PAPPA2: variants seen among roughly 807,000 people sequenced by gnomAD.
The protein encoded by PAPPA2 is pappalysin 2, also known as pappalysin-2.
Under a neutral mutation model 176.4 loss-of-function variants are expected in PAPPA2, and 86 were observed. That is an observed-to-expected ratio of 0.49 (90% CI 0.41 to 0.58). The LOEUF (loss-of-function observed/expected upper bound fraction) is 0.58. Among genes scored for constraint, PAPPA2 ranks in the 20% least tolerant of loss-of-function variants. PAPPA2 has a pLI of 0.00. For missense variants in PAPPA2, 2,073 were observed against 2,256.9 expected, an observed-to-expected ratio of 0.92 and a Z score of 1.65; for synonymous variants, 809 against 852.2, an observed-to-expected ratio of 0.95 and a Z score of 0.88.
chr1:176,744,290 A>T (rs550427961), intron 14 of PAPPA2, among the ~76,000 whole-genome samples: 1 of 151,968 alleles, frequency 6.6e-6, no homozygotes, highest in Non-Finnish European at 1.5e-5. Flanking sequence ...TATTTGTTTG[A>T]TAAATATTTG....
chr1:176,776,289 G>A (rs912147912), intron 17 of PAPPA2, among the ~76,000 whole-genome samples: 6 of 152,064 alleles, frequency 3.9e-5, no homozygotes, highest in African/African-American at 9.7e-5. Flanking sequence ...ACTTCTAAAC[G>A]ATTCAAACCT....
At chr1:176,708,375 C>A (rs1273426921) in intron 10 of PAPPA2, among the ~76,000 whole-genome samples, 1 of 151,938 alleles carries the variant, frequency 6.6e-6, no homozygotes, top group African/African-American at 2.4e-5. Flanking sequence ...TTTGAAGGAA[C>A]CCCATTGTAA....
intron 6 of PAPPA2, among the ~76,000 whole-genome samples, chr1:176,694,257 G>T (rs930641468): frequency 4.6e-5 from 7 of 152,228 alleles, no homozygotes; most frequent in South Asian, 2.1e-4. Context: ...AGTGCTGATT[G>T]GAGTCAGAGG....
At chr1:176,484,894 T>C (rs1652577279) in intron 1 of PAPPA2, among the ~76,000 whole-genome samples, 1 of 152,254 alleles carries the variant, frequency 6.6e-6, no homozygotes, top group Non-Finnish European at 1.5e-5. Context: ...TTTTGAGTTT[T>C]CACTTCTTTC....
intron 22 of PAPPA2, 99 bp from the exon 23 acceptor site, chr1:176,842,281 A>G (rs1456143495): frequency 1.0e-5 from 11 of 1,080,026 alleles, no homozygotes; most frequent in Middle Eastern, 2.0e-4. Flanking sequence ...ACATAATTCT[A>G]CAGTTCCTCT....
chr1:176,510,932 G>C (rs938784655), intron 1 of PAPPA2, among the ~76,000 whole-genome samples: 31 of 149,142 alleles, frequency 2.1e-4, no homozygotes, highest in African/African-American at 6.9e-4. Flanking sequence ...TTAATCCAAA[G>C]AAGGCAGAAA....
At chr1:176,638,429 T>G (rs1012865440) in intron 3 of PAPPA2, among the ~76,000 whole-genome samples, 4 of 151,958 alleles carry the variant, frequency 2.6e-5, no homozygotes, top group African/African-American at 9.7e-5. Context: ...TGAGCTCCGG[T>G]AGAAGGCTCT....
chr1:176,595,098 C>G lies in PAPPA2; in HGVS notation c.1494C>G (p.Leu498=). Residue 498 remains leucine, a synonymous_variant, in exon 3 of 23, where the codon CTC becomes CTG. Coordinates refer to ENST00000367662, the MANE Select transcript of PAPPA2 (RefSeq NM_020318.3). ...TTCTGTCGCCTTTGCAGCCCCCACT[C>G]TGTGGGCAAACAGTCTGTGACAATG... ...PEILSPLQPP[L]CGQTVCDNVE... 6.2e-7 allele frequency: 1 copy of G among 1,614,178 alleles called. No homozygotes were observed. The highest frequency in any genetic ancestry group is 1.6e-4 in the Middle Eastern group (1 of 6,062).
At chr1:176,514,453 G>T (rs903427566) in intron 1 of PAPPA2, among the ~76,000 whole-genome samples, 4 of 152,136 alleles carry the variant, frequency 2.6e-5, no homozygotes, top group Admixed American at 2.6e-4. Context: ...ACGTGGATTT[G>T]GAAGGGACAC....
intron 3 of PAPPA2, among the ~76,000 whole-genome samples, chr1:176,645,507 T>C (rs1359064685): frequency 6.6e-6 from 1 of 151,822 alleles, no homozygotes; most frequent in African/African-American, 2.4e-5. Flanking sequence ...GAGCACTTAG[T>C]TTGATTCCAT....
chr1:176,635,412 A>G (rs534955972), intron 3 of PAPPA2, among the ~76,000 whole-genome samples: 14 of 152,182 alleles, frequency 9.2e-5, no homozygotes, highest in Non-Finnish European at 1.6e-4. Flanking sequence ...ATTGCCCTAT[A>G]TCTACCCTCA....
In PAPPA2 at chr1:176,556,191, T is replaced by C. The variant is rs1192665743; in HGVS notation, c.-132T>C. On this transcript the variant is annotated 5_prime_UTR_variant, in exon 2 of 23. Transcript: ENST00000367662. ...CATTCTTGGGGCTATTTGAAAAAGT[T>C]TGGTCTGTGAACAAAACAGTTTCCC... 23 of 1,096,172 alleles carry C rather than the reference T, an allele frequency of 2.1e-5. No homozygotes were observed. The highest frequency in any genetic ancestry group is 2.7e-5 in the Non-Finnish European group (21 of 765,812). The allele number at this position is 1,096,172 out of a possible 1,614,324, so 67.9% of individuals were successfully genotyped here.
At chr1:176,736,648 A>G (rs999487544) in intron 12 of PAPPA2, among the ~76,000 whole-genome samples, 2 of 149,820 alleles carry the variant, frequency 1.3e-5, no homozygotes, top group Admixed American at 1.3e-4. Context: ...AAATAAATAT[A>G]TTTAAATAAT....
At chr1:176,485,400 C>G (rs994856931) in intron 1 of PAPPA2, among the ~76,000 whole-genome samples, 2 of 152,178 alleles carry the variant, frequency 1.3e-5, no homozygotes, top group Non-Finnish European at 2.9e-5. Context: ...AGCCATATAA[C>G]TTTTCAGATC....
chr1:176,493,067 T>C (rs2102496050), intron 1 of PAPPA2, among the ~76,000 whole-genome samples: 1 of 152,314 alleles, frequency 6.6e-6, no homozygotes. Context: ...TGCTAACCAA[T>C]TATGACTTTC....
chr1:176,590,898 C>G lies in PAPPA2; in HGVS notation c.920-3626C>G, dbSNP rs555708861. The stretch of plus-strand genomic sequence containing the variant: ...GCACTCTCTGCACCCAGTCTGACAC[C>G]TAATCTCTCAGAACCTCAGTGTCTG... On this transcript the variant is annotated intron_variant, in intron 2 of 22. Transcript: ENST00000367662. Among the ~76,000 whole-genome samples the G allele has an allele frequency of 2.0e-5, 3 of 152,156 alleles. No individual in the cohort carries two copies. In the East Asian group the frequency reaches 5.8e-4, roughly 29 times the overall value.
In PAPPA2 at chr1:176,844,946, A is replaced by C. The variant is rs1667612117; in HGVS notation, c.*2492A>C. 6.6e-6 allele frequency: 1 copy of C among 152,188 alleles called. No homozygotes were observed. The highest frequency in any genetic ancestry group is 2.1e-4 in the South Asian group (1 of 4,836). 9.4% of individuals were successfully genotyped at this position (152,188 alleles called of 1,614,324 possible). The stretch of plus-strand genomic sequence containing the variant: ...CAATTCACCACTGCTCTGGGAAAGC[A>C]AAAGGAAAGTTCCTGTTGTGTGTGA... On this transcript the variant is annotated 3_prime_UTR_variant, in exon 23 of 23. Coordinates refer to ENST00000367662, the MANE Select transcript of PAPPA2 (RefSeq NM_020318.3).
chr1:176,765,830 C>T lies in PAPPA2; in HGVS notation c.4316C>T (p.Pro1439Leu). ...GCCAGCAGTGGGCAGTACATCAGGC[C>T]CATGCAGGTGAGTTGAAAGAACACT... ...LQASSGQYIR[P>L]MQKEILLTCS... Residue 1439 changes from proline (P) to leucine (L), a missense_variant, in exon 15 of 23, where the codon CCC becomes CTC. Pro to Leu is a moderately conservative substitution (Grantham distance 98). Around this residue, in one of 4 missense-constraint regions of PAPPA2, gnomAD observed 846 missense variants for 857.9 expected, o/e 0.99. Transcript: ENST00000367662. The T allele has an allele frequency of 6.2e-7, 1 of 1,613,588 alleles. No homozygotes were observed. Among genetic ancestry groups the T allele is most frequent in the Non-Finnish European group, 8.5e-7 (1 of 1,179,858 alleles).
At chr1:176,634,430 G>A (rs1052244050) in intron 3 of PAPPA2, among the ~76,000 whole-genome samples, 1 of 152,062 alleles carries the variant, frequency 6.6e-6, no homozygotes, top group Non-Finnish European at 1.5e-5. Context: ...TCACACACTG[G>A]GGCCTGTTGT....
Sources: gnomAD v4.1 joint callset for allele counts (sites outside exome capture counted in the v4.1 genomes callset) on GRCh38, gnomAD v4.1.1 for gene constraint, gnomAD v4.1.1 regional missense constraint, MANE v1.5 for transcripts, NCBI Gene and HGNC (gene_info 2026-07-23, HGNC 2026-07-21) for gene names.